NAALADL2: variants seen among roughly 807,000 people sequenced by gnomAD.
The protein encoded by NAALADL2 is N-acetylated alpha-linked acidic dipeptidase like 2.
In NAALADL2, 76 loss-of-function variants were observed where a neutral mutation model predicts 87.2. The observed-to-expected ratio is 0.87, with a 90% CI of 0.72 to 1.05. The LOEUF is 1.05. NAALADL2 is among the 50% of genes least tolerant of loss of function. NAALADL2 has a pLI of 0.00. For missense variants in NAALADL2, 1,089 were observed against 945.8 expected (o/e 1.15, Z -1.99); for synonymous variants, 354 against 331.0 (o/e 1.07, Z -0.75).
intron 2 of NAALADL2, among the ~76,000 whole-genome samples, chr3:174,682,283 A>G (rs1434936962): frequency 2.6e-5 from 4 of 152,194 alleles, no homozygotes; most frequent in Admixed American, 6.5e-5. Flanking sequence ...GATACTGGCC[A>G]TGGCTTCTGG....
At chr3:175,059,404 A>C (rs1228291897) in intron 1 of NAALADL2, 1 of 157,060 alleles carries the variant, frequency 6.4e-6, no homozygotes, top group Non-Finnish European at 1.4e-5. Flanking sequence ...CAGAATCCTC[A>C]AAAGCAGTGA....
chr3:174,793,348 C>G (rs1578953737), intron 3 of NAALADL2, among the ~76,000 whole-genome samples: 1 of 152,066 alleles, frequency 6.6e-6, no homozygotes, highest in African/African-American at 2.4e-5. Context: ...TGGATAATCT[C>G]TAACCTGAAT....
intron 11 of NAALADL2, among the ~76,000 whole-genome samples, chr3:175,667,159 GAAAAAGAAAGAA>G (rs1560942328): frequency 2.6e-5 from 3 of 116,276 alleles, no homozygotes; most frequent in African/African-American, 9.8e-5. Context: ...GAGAGAGAAA[GAAAAAGAAAGAA>G]AGAAAGAAAG....
At chr3:175,092,741 T>C (rs1720374694) in intron 1 of NAALADL2, among the ~76,000 whole-genome samples, 1 of 151,858 alleles carries the variant, frequency 6.6e-6, no homozygotes, top group African/African-American at 2.4e-5. Context: ...TTGTATCTGT[T>C]TTATTTTTAT....
At chr3:175,421,744 A>G (rs1003953782) in intron 5 of NAALADL2, among the ~76,000 whole-genome samples, 3 of 152,096 alleles carry the variant, frequency 2.0e-5, no homozygotes, top group East Asian at 3.9e-4. Flanking sequence ...ACTATGAAAA[A>G]AACTAAAGCA....
intron 1 of NAALADL2, among the ~76,000 whole-genome samples, chr3:174,514,132 G>A (rs1719778915): frequency 6.6e-6 from 1 of 151,992 alleles, no homozygotes; most frequent in South Asian, 2.1e-4. Flanking sequence ...AATTCCCTCT[G>A]TAAGAATGAT....
chr3:175,677,253 C>T (rs1444609306), intron 11 of NAALADL2, among the ~76,000 whole-genome samples: 1 of 152,012 alleles, frequency 6.6e-6, no homozygotes, highest in East Asian at 1.9e-4. Flanking sequence ...GTCCCAGCTA[C>T]TCCAGAAGCT....
intron 4 of NAALADL2, among the ~76,000 whole-genome samples, chr3:175,266,596 G>A (rs1478273310): frequency 6.6e-6 from 1 of 151,370 alleles, no homozygotes; most frequent in Admixed American, 6.6e-5. Flanking sequence ...AGTGTGCTTG[G>A]GCTTCATAAG....
At chr3:175,520,363 A>G (rs1732466739) in intron 9 of NAALADL2, among the ~76,000 whole-genome samples, 1 of 139,666 alleles carries the variant, frequency 7.2e-6, no homozygotes, top group Non-Finnish European at 1.5e-5. Flanking sequence ...CAGTGGTGCA[A>G]TCTCGGCTCA....
intron 3 of NAALADL2, among the ~76,000 whole-genome samples, chr3:174,832,714 C>A (rs573002963): frequency 1.3e-5 from 2 of 152,172 alleles, no homozygotes; most frequent in African/African-American, 4.8e-5. Context: ...GATCCGCCCG[C>A]CTCAGCCTCC....
chr3:174,591,465 T>C (rs524195), intron 2 of NAALADL2, among the ~76,000 whole-genome samples: 77,632 of 152,014 alleles, frequency 0.51, 22,276 homozygotes, highest in East Asian at 0.81. Context: ...TCTCTATTGA[T>C]GCGGGTAAAG....
intron 2 of NAALADL2, among the ~76,000 whole-genome samples, chr3:175,134,441 C>T (rs1223114498): frequency 6.6e-6 from 1 of 151,900 alleles, no homozygotes; most frequent in Non-Finnish European, 1.5e-5. Flanking sequence ...TTGGGGGGGT[C>T]CTTTTTCATG....
Position 175,365,519 on chromosome 3 carries a change from TA to T in NAALADL2, c.1090+41195del, listed in dbSNP as rs748592094. Among the ~76,000 whole-genome samples the T allele has an allele frequency of 3.4e-5, 5 of 147,790 alleles. 1 individual carries two copies. Among genetic ancestry groups the T allele is most frequent in the Non-Finnish European group, 7.5e-5 (5 of 66,552 alleles). Reference sequence around the variant, plus strand: ...TTTATTTTGACAAAGGTTAAATCATTATGACCCATTGTATACTTTGATAAAT... The same window carrying T: ...TTTATTTTGACAAAGGTTAAATCATTTGACCCATTGTATACTTTGATAAAT... On this transcript the variant is annotated intron_variant, in intron 5 of 13. Transcript: ENST00000454872.
chr3:175,278,489 A>G (rs550238660), intron 4 of NAALADL2, among the ~76,000 whole-genome samples: 76 of 152,344 alleles, frequency 5.0e-4, no homozygotes, highest in African/African-American at 1.8e-3. Flanking sequence ...GTGTATGATT[A>G]GGCAAACACT....
At chr3:174,755,542 T>C (rs1711933931) in intron 3 of NAALADL2, among the ~76,000 whole-genome samples, 1 of 152,214 alleles carries the variant, frequency 6.6e-6, no homozygotes, top group South Asian at 2.1e-4. Flanking sequence ...CACCTCTCCT[T>C]TGTCCTTAAC....
chr3:175,246,844 G>A (rs1198959708), intron 3 of NAALADL2, among the ~76,000 whole-genome samples: 1 of 151,998 alleles, frequency 6.6e-6, no homozygotes, highest in Non-Finnish European at 1.5e-5. Flanking sequence ...GATGATATTA[G>A]GGAAAAGCAA....
At chr3:175,339,906 G>T (rs910086751) in intron 5 of NAALADL2, among the ~76,000 whole-genome samples, 6 of 152,256 alleles carry the variant, frequency 3.9e-5, no homozygotes, top group African/African-American at 1.4e-4. Flanking sequence ...ACACTGAGAT[G>T]ATATTTCAGG....
At chr3:175,622,023 T>A (rs1419413438) in intron 10 of NAALADL2, among the ~76,000 whole-genome samples, 1 of 152,192 alleles carries the variant, frequency 6.6e-6, no homozygotes, top group Non-Finnish European at 1.5e-5. Context: ...ATACTAAAAT[T>A]TTAAGTTCTT....
intron 1 of NAALADL2, among the ~76,000 whole-genome samples, chr3:174,965,328 A>G (rs1742712846): frequency 1.3e-5 from 2 of 152,154 alleles, no homozygotes; most frequent in Admixed American, 6.5e-5. Context: ...ACAGACTGTG[A>G]TGCTTTTGAT....
Sources: allele counts gnomAD v4.1 joint callset (sites outside exome capture counted in the v4.1 genomes callset), GRCh38; gene constraint gnomAD v4.1.1; transcripts MANE v1.5; gene names NCBI Gene and HGNC (gene_info 2026-07-23, HGNC 2026-07-21).